The following TTBK2 variants were observed in gnomAD, a reference collection of about 807,000 sequenced individuals.
TTBK2 encodes tau-tubulin kinase 2.
In TTBK2, 28 loss-of-function variants were observed where a neutral mutation model predicts 110.8. That is an observed-to-expected ratio of 0.25 (90% CI 0.19 to 0.35). TTBK2 has a LOEUF of 0.35. Ranked by LOEUF, TTBK2 falls within the 10% of genes least tolerant of loss-of-function variation. TTBK2 has a pLI of 1.00. For missense variants in TTBK2, 1,369 were observed against 1,500.3 expected (o/e 0.91, Z 1.45); for synonymous variants, 532 against 527.3 (o/e 1.01, Z -0.12).
chr15:42,808,653 C>T (rs927952126), intron 9 of TTBK2, among the ~76,000 whole-genome samples: 13 of 151,316 alleles, frequency 8.6e-5, no homozygotes, highest in Admixed American at 4.0e-4. Context: ...TTGAGACCTG[C>T]TTGGGCAACA....
chr15:42,810,834 G>T, intron 8 of TTBK2, 95 bp from the exon 9 acceptor site: 1 of 1,392,996 alleles, frequency 7.2e-7, no homozygotes, highest in Non-Finnish European at 1.0e-6. Flanking sequence ...ATGTACTAGG[G>T]AATGAGATAG....
chr15:42,790,169 T>G (rs1183836895), intron 10 of TTBK2, among the ~76,000 whole-genome samples: 1 of 152,174 alleles, frequency 6.6e-6, no homozygotes, highest in Non-Finnish European at 1.5e-5. Flanking sequence ...GACCTGAGAC[T>G]ATAAAACTCC....
At position 42,748,184 on chromosome 15, in the gene TTBK2, C is replaced by T. The variant is rs145535328; in HGVS notation, c.3273-1927G>A. On this transcript the variant is annotated intron_variant, in intron 14 of 14. Transcript: ENST00000267890. ...TAGTTACAGAAAATAACCCAGGGCA[C>T]GGTGGCTCACACCTGTAATCCCAGC... Among the ~76,000 whole-genome samples the T allele has an allele frequency of 1.6e-4, 25 of 152,166 alleles. No individual in the cohort carries two copies. In the East Asian group the frequency reaches 2.9e-3, roughly 18 times the overall value.
intron 4 of TTBK2, among the ~76,000 whole-genome samples, chr15:42,830,801 T>G (rs1012363352): frequency 8.6e-5 from 13 of 152,038 alleles, no homozygotes; most frequent in Non-Finnish European, 1.6e-4. Flanking sequence ...GTCAGGAGAT[T>G]GAGACTATCC....
intron 10 of TTBK2, among the ~76,000 whole-genome samples, chr15:42,784,940 A>G (rs1157565469): frequency 1.3e-5 from 2 of 152,078 alleles, no homozygotes; most frequent in African/African-American, 4.8e-5. Context: ...AGCAGGTGCT[A>G]TGTGCCCCAA....
intron 1 of TTBK2, among the ~76,000 whole-genome samples, chr15:42,905,916 TG>T (rs1567088230): frequency 2.0e-5 from 3 of 152,170 alleles, no homozygotes; most frequent in African/African-American, 7.2e-5. Context: ...TGGCCGGGCA[TG>T]GTGGCTCACA....
At chr15:42,861,246 C>A (rs1360008254) in intron 3 of TTBK2, among the ~76,000 whole-genome samples, 4 of 152,108 alleles carry the variant, frequency 2.6e-5, no homozygotes, top group Non-Finnish European at 4.4e-5. Flanking sequence ...CGACACTCAA[C>A]CAATTAGACC....
intron 3 of TTBK2, among the ~76,000 whole-genome samples, chr15:42,871,785 A>G (rs914715413): frequency 2.0e-5 from 3 of 152,156 alleles, no homozygotes; most frequent in African/African-American, 7.2e-5. Flanking sequence ...TGTTGTGGAG[A>G]TGCTAAGTTT....
At chr15:42,792,182 A>G (rs1890718382) in intron 10 of TTBK2, among the ~76,000 whole-genome samples, 1 of 152,218 alleles carries the variant, frequency 6.6e-6, no homozygotes, top group Admixed American at 6.5e-5. Context: ...CAAAATAGGT[A>G]GAAGGTTTGA....
intron 3 of TTBK2, among the ~76,000 whole-genome samples, chr15:42,851,355 G>A (rs1441104515): frequency 6.6e-6 from 1 of 152,056 alleles, no homozygotes; most frequent in Non-Finnish European, 1.5e-5. Flanking sequence ...AAGCAGGCAG[G>A]GGTCGGTTCA....
chr15:42,875,446 A>G (rs1894780430), intron 2 of TTBK2, among the ~76,000 whole-genome samples: 1 of 152,066 alleles, frequency 6.6e-6, no homozygotes, highest in Non-Finnish European at 1.5e-5. Flanking sequence ...TGATGAAAAC[A>G]ATGTGACCTT....
chr15:42,837,015 A>G (rs189437320), intron 4 of TTBK2, among the ~76,000 whole-genome samples: 1 of 152,206 alleles, frequency 6.6e-6, no homozygotes, highest in Non-Finnish European at 1.5e-5. Flanking sequence ...ACAAAAAGTT[A>G]TATTATTACT....
chr15:42,919,928 A>G, intron 1 of TTBK2: 1 of 518,138 alleles, frequency 1.9e-6, no homozygotes, highest in Non-Finnish European at 2.5e-6. Flanking sequence ...GCAAATGACG[A>G]GCAAATCCCT....
At position 42,775,343 on chromosome 15, in the gene TTBK2, T is replaced by C; in HGVS notation, c.1790A>G (p.Lys597Arg). Residue 597 changes from lysine to arginine, a missense_variant, in exon 13 of 15, where the codon AAG (lysine) becomes AGG (arginine). This residue lies in a region of TTBK2 where 1,097 missense variants were observed against 1,114.7 expected (regional missense o/e 0.98). Transcript: ENST00000267890. The part of the protein sequence containing the change: ...QVLEASPQDE[K>R]LQLGPWAEND... Reference sequence around the variant, plus strand: ...TTCTGCCCAAGGACCTAACTGGAGCTTTTCATCTTGAGGTGATGCCTCCAG... The same window carrying C: ...TTCTGCCCAAGGACCTAACTGGAGCCTTTCATCTTGAGGTGATGCCTCCAG... 1 of 1,614,192 alleles carries C rather than the reference T, an allele frequency of 6.2e-7. No homozygotes were observed. The highest frequency in any genetic ancestry group is 8.5e-7 in the Non-Finnish European group (1 of 1,180,036).
chr15:42,777,979 T>G (rs1890005197), intron 11 of TTBK2, among the ~76,000 whole-genome samples: 2 of 151,566 alleles, frequency 1.3e-5, no homozygotes, highest in South Asian at 4.2e-4. Flanking sequence ...AAACCCCAAT[T>G]TAGGTCTCCA....
At chr15:42,868,537 A>T (rs2141105418) in intron 3 of TTBK2, among the ~76,000 whole-genome samples, 1 of 152,248 alleles carries the variant, frequency 6.6e-6, no homozygotes. Context: ...TCTTTTAAAA[A>T]TTAGGGAAAA....
chr15:42,780,605 TGAAAA>T (rs1252831059), intron 11 of TTBK2, among the ~76,000 whole-genome samples: 2 of 151,798 alleles, frequency 1.3e-5, no homozygotes, highest in African/African-American at 4.8e-5. Context: ...AAATCTGTAA[TGAAAA>T]GAAAGGCAGG....
At chr15:42,761,655 A>T (rs2062028940) in intron 13 of TTBK2, among the ~76,000 whole-genome samples, 1 of 152,204 alleles carries the variant, frequency 6.6e-6, no homozygotes, top group Admixed American at 6.5e-5. Flanking sequence ...CATTTCTCAA[A>T]AGAAGATATA....
At chr15:42,865,011 T>C (rs1358748976) in intron 3 of TTBK2, among the ~76,000 whole-genome samples, 1 of 152,184 alleles carries the variant, frequency 6.6e-6, no homozygotes, top group African/African-American at 2.4e-5. Context: ...TAGGATCATT[T>C]TATTACGAGA....
Sources: gnomAD v4.1 joint callset for allele counts (sites outside exome capture counted in the v4.1 genomes callset) on GRCh38, gnomAD v4.1.1 for gene constraint, gnomAD v4.1.1 regional missense constraint, MANE v1.5 for transcripts, NCBI Gene and HGNC (gene_info 2026-07-23, HGNC 2026-07-21) for gene names.